Variants in YARS1 observed in about 807,000 individuals in gnomAD.
YARS1 encodes the protein tyrosine--tRNA ligase, cytoplasmic.
In YARS1, 36 loss-of-function variants were observed where a neutral mutation model predicts 62.2. The observed-to-expected ratio is 0.58, with a 90% confidence interval of 0.44 to 0.76. The LOEUF (loss-of-function observed/expected upper bound fraction) is 0.76. YARS1 is among the 30% of genes least tolerant of loss of function. The pLI is 0.00. For missense variants in YARS1, 524 were observed against 639.8 expected, an observed-to-expected ratio of 0.82 and a Z score of 1.95; for synonymous variants, 234 against 244.9, an observed-to-expected ratio of 0.96 and a Z score of 0.42.
rs757914336 is a variant in YARS1, at chr1:32,811,007, A to G, written c.108T>C (p.Leu36=). Residue 36 remains leucine, a synonymous_variant, in exon 2 of 13, where the codon CTT becomes CTC. Coordinates refer to ENST00000373477, the MANE Select transcript of YARS1 (RefSeq NM_003680.4). ...TGGTTGCCGTTCCCCAGTAAATTTTAAGTTCCCGCTCCTTCAGTATCTCCT... is the reference window on the plus strand; with the variant it reads ...TGGTTGCCGTTCCCCAGTAAATTTTGAGTTCCCGCTCCTTCAGTATCTCCT... The part of the protein sequence containing the change: ...KLKEILKERE[L]KIYWGTATTG... 1 of 1,614,034 alleles carries G rather than the reference A, an allele frequency of 6.2e-7. No homozygotes were observed. Among genetic ancestry groups the G allele is most frequent in the South Asian group, 1.1e-5 (1 of 91,064 alleles).
intron 4 of YARS1, among the ~76,000 whole-genome samples, chr1:32,804,101 T>C (rs1638379391): frequency 6.6e-6 from 1 of 152,270 alleles, no homozygotes; most frequent in Non-Finnish European, 1.5e-5. Flanking sequence ...AGAATTTTTC[T>C]TAGTACAGAA....
intron 5 of YARS1, among the ~76,000 whole-genome samples, chr1:32,792,665 C>T (rs981217201): frequency 2.6e-5 from 4 of 151,814 alleles, no homozygotes; most frequent in Non-Finnish European, 4.4e-5. Flanking sequence ...CCGAGGCAGG[C>T]GTCAGGAGAT....
At chr1:32,811,556 T>G (rs1638586799) in intron 1 of YARS1, 1 of 180,070 alleles carries the variant, frequency 5.6e-6, no homozygotes. Flanking sequence ...CCATTTGTCT[T>G]TCTAACTTTT....
intron 4 of YARS1, 104 bp downstream of exon 4, chr1:32,806,378 A>T: frequency 6.3e-7 from 1 of 1,587,998 alleles, no homozygotes; most frequent in Non-Finnish European, 8.6e-7. Flanking sequence ...ATTTGTAAAA[A>T]ACACAATATC....
In YARS1 at chr1:32,775,279, G is replaced by C. The variant is rs1652806892; in HGVS notation, c.*702C>G. The C allele has an allele frequency of 3.3e-5, 5 of 152,484 alleles. No individual in the cohort carries two copies. The allele number at this position is 152,484 out of a possible 1,614,324, so 9.4% of individuals were successfully genotyped here. The stretch of plus-strand genomic sequence containing the variant: ...TTTATTTGAATTTATGACAGTGATG[G>C]GGATTTGACTGAGATGCCTTATGGA... On this transcript the variant is annotated 3_prime_UTR_variant, in exon 13 of 13. Coordinates refer to ENST00000373477, the MANE Select transcript of YARS1 (RefSeq NM_003680.4).
chr1:32,811,903 G>A lies in YARS1; in HGVS notation c.58-846C>T, dbSNP rs558668530. On this transcript the variant is annotated intron_variant, in intron 1 of 12. Transcript: ENST00000373477. Reference sequence around the variant, plus strand: ...CTAAACTTTAAGCCCCCCAACTGTCGGAATGGACCCCACATTTTGGCCAAC... The same window carrying A: ...CTAAACTTTAAGCCCCCCAACTGTCAGAATGGACCCCACATTTTGGCCAAC... Among the ~76,000 whole-genome samples, 25 of 152,136 alleles carry A rather than the reference G, an allele frequency of 1.6e-4. No individual in the cohort carries two copies. In the South Asian group the frequency reaches 3.9e-3, roughly 24 times the overall value.
At position 32,817,265 on chromosome 1, in the gene YARS1, C is replaced by T. The variant is rs913126364; in HGVS notation, c.-21G>A. On this transcript the variant is annotated 5_prime_UTR_variant, in exon 1 of 13. Transcript: ENST00000373477. Reference sequence around the variant, plus strand: ...CCCATGGCTCCGCTACCCCTGCTTCCCCCGCTCAGCCCGGCACCAGAGCCC... The same window carrying T: ...CCCATGGCTCCGCTACCCCTGCTTCTCCCGCTCAGCCCGGCACCAGAGCCC... 1.2e-6 allele frequency: 2 copies of T among 1,613,570 alleles called. No individual in the cohort carries two copies. The highest frequency in any genetic ancestry group is 1.3e-5 in the African/African-American group (1 of 74,942).
intron 6 of YARS1, among the ~76,000 whole-genome samples, chr1:32,788,346 C>T (rs1653305008): frequency 6.6e-6 from 1 of 152,244 alleles, no homozygotes; most frequent in Admixed American, 6.5e-5. Flanking sequence ...GAACTCCTGC[C>T]ATTAAGTGAT....
At chr1:32,816,110 A>G (rs1638722366) in intron 1 of YARS1, among the ~76,000 whole-genome samples, 1 of 146,250 alleles carries the variant, frequency 6.8e-6, no homozygotes, top group Non-Finnish European at 1.5e-5. Flanking sequence ...CTCCGCCTCA[A>G]AAAAAAAAAA....
chr1:32,811,166 A>G, intron 1 of YARS1, 109 bp from the exon 2 acceptor site: 18 of 1,543,182 alleles, frequency 1.2e-5, no homozygotes, highest in Non-Finnish European at 1.6e-5. Flanking sequence ...CCAGGCTCAG[A>G]GCCATCAAGG....
chr1:32,779,705 C>T, intron 11 of YARS1, 182 bp from the exon 12 acceptor site: 1 of 755,942 alleles, frequency 1.3e-6, no homozygotes, highest in Non-Finnish European at 2.1e-6. Flanking sequence ...GTTACATTAA[C>T]CCAGGCTATA....
At chr1:32,817,047 G>A (rs554996995) in intron 1 of YARS1, 141 bp downstream of exon 1, 5 of 1,079,536 alleles carry the variant, frequency 4.6e-6, no homozygotes, top group East Asian at 2.4e-5. Flanking sequence ...CCGACCAGCA[G>A]TGAGATCTAC....
rs1653223222 is a variant in YARS1, at chr1:32,786,275, C to T, written c.906+87G>A. On this transcript the variant is annotated intron_variant, in intron 8 of 12. Coordinates refer to ENST00000373477, the MANE Select transcript of YARS1 (RefSeq NM_003680.4). ...GCAGGCAGCTCACTTTTACACAGAA[C>T]AAGTTGTTCTAAACAAGTTCTAACA... 9.7e-6 allele frequency: 13 copies of T among 1,335,352 alleles called. No homozygotes were observed. The African/African-American group carries it at 1.2e-4, about 12-fold the overall frequency. The allele number at this position is 1,335,352 out of a possible 1,614,324, so 82.7% of individuals were successfully genotyped here. A position where few individuals can be genotyped will look rare whatever the true frequency, so the allele number is the denominator to read the frequency against.
Position 32,780,162 on chromosome 1 carries a change from C to T in YARS1, c.1257G>A (p.Leu419=), listed in dbSNP as rs141675786. ...FVPKEELQDR[L]VVVLCNLKPQ... is the part of the protein sequence containing the mutation. ...GTTTCAGGTTGCACAGCACCACTAC[C>T]AGCCTGTCCTGCAGTTCCTCCTTGG... Residue 419 remains leucine (L), a synonymous_variant, in exon 11 of 13, where the codon CTG becomes CTA. Coordinates refer to ENST00000373477, the MANE Select transcript of YARS1 (RefSeq NM_003680.4). The T allele has an allele frequency of 3.0e-5, 48 of 1,614,190 alleles. No individual in the cohort carries two copies. The East Asian group carries it at 3.1e-4, about 10-fold the overall frequency.
At chr1:32,791,803 A>AAAAAAC (rs1402825909) in intron 5 of YARS1, among the ~76,000 whole-genome samples, 2 of 151,792 alleles carry the variant, frequency 1.3e-5, no homozygotes. Flanking sequence ...ACTCCATCTC[A>AAAAAAC]AAAAACAAAA....
At chr1:32,781,976 G>A (rs539714351) in intron 9 of YARS1, 120 of 207,460 alleles carry the variant, frequency 5.8e-4, no homozygotes, top group Admixed American at 4.0e-3. Flanking sequence ...ACTATGCCTG[G>A]CTAATTTTTT....
intron 5 of YARS1, among the ~76,000 whole-genome samples, chr1:32,792,657 G>A (rs949492149): frequency 6.6e-6 from 1 of 152,056 alleles, no homozygotes; most frequent in Non-Finnish European, 1.5e-5. Flanking sequence ...TTGGGAGGCC[G>A]AGGCAGGCGT....
chr1:32,813,903 C>A (rs545977193), intron 1 of YARS1, among the ~76,000 whole-genome samples: 4 of 151,714 alleles, frequency 2.6e-5, no homozygotes, highest in Non-Finnish European at 5.9e-5. Flanking sequence ...CTTAGTTTTC[C>A]TCGTCTCTGC....
intron 4 of YARS1, among the ~76,000 whole-genome samples, chr1:32,801,796 C>T (rs551777738): frequency 1.3e-5 from 2 of 152,302 alleles, no homozygotes; most frequent in Admixed American, 1.3e-4. Context: ...TCACAGAATC[C>T]TCACCAGTAG....
Sources: allele counts gnomAD v4.1 joint callset (sites outside exome capture counted in the v4.1 genomes callset), GRCh38; gene constraint gnomAD v4.1.1; transcripts MANE v1.5; gene names NCBI Gene and HGNC (gene_info 2026-07-23, HGNC 2026-07-21).